HP1BP3: variants seen among roughly 807,000 people sequenced by gnomAD.
HP1BP3 encodes the protein heterochromatin protein 1-binding protein 3.
HP1BP3 carries 12 observed loss-of-function variants against 62.5 expected under a neutral mutation model. That is an observed-to-expected ratio of 0.19 (90% CI 0.12 to 0.31). The LOEUF (loss-of-function observed/expected upper bound fraction) is 0.31. Among genes scored for constraint, HP1BP3 ranks in the 10% least tolerant of loss-of-function variants. HP1BP3 has a pLI of 1.00. For synonymous variants in HP1BP3, 260 were observed against 237.8 expected (o/e 1.09, Z -0.86); for missense variants, 502 against 651.8 (o/e 0.77, Z 2.50).
In HP1BP3 at chr1:20,765,496, T is replaced by C. The variant is rs2056735322; in HGVS notation, c.771A>G (p.Val257=). The C allele has an allele frequency of 6.8e-6, 11 of 1,613,642 alleles. No individual in the cohort carries two copies. Among genetic ancestry groups the C allele is most frequent in the South Asian group, 1.1e-5 (1 of 91,040 alleles). The change falls in exon 8 of 13, where the codon GTA becomes GTG. Residue 257 remains valine (V), a synonymous_variant. Coordinates refer to ENST00000438032, the MANE Select transcript of HP1BP3 (RefSeq NM_001372052.1). ...CCAGTGGGAGGACATCCTCCAATTT[T>C]ACTTGTGGTTCTGGATCCACTGCAG... The part of the protein sequence containing the change: ...RSSAVDPEPQ[V]KLEDVLPLAF...
chr1:20,783,767 C>G (rs1326701702), intron 1 of HP1BP3, among the ~76,000 whole-genome samples: 1 of 47,260 alleles, frequency 2.1e-5, no homozygotes, highest in Non-Finnish European at 3.5e-5. Flanking sequence ...GAGACTCTGT[C>G]TCAAAAAAAA....
chr1:20,765,468 A>C lies in HP1BP3; in HGVS notation c.799T>G (p.Phe267Val). Residue 267 changes from phenylalanine (F) to valine (V), a missense_variant, in exon 8 of 13, where the codon TTT becomes GTT. By Grantham distance (50) the Phe-to-Val change is conservative (BLOSUM62 -1). Around this residue, in one of 5 missense-constraint regions of HP1BP3, gnomAD observed 111 missense variants for 242.0 expected, o/e 0.46. Transcript: ENST00000438032. ...VKLEDVLPLA[F>V]TRLCEPKEAS... The stretch of plus-strand genomic sequence containing the variant: ...TCTTTAGGTTCACAAAGGCGAGTAA[A>C]GGCCAGTGGGAGGACATCCTCCAAT... The C allele has an allele frequency of 3.7e-6, 6 of 1,613,616 alleles. No individual in the cohort carries two copies. Among genetic ancestry groups the C allele is most frequent in the Non-Finnish European group, 5.1e-6 (6 of 1,179,574 alleles).
intron 8 of HP1BP3, among the ~76,000 whole-genome samples, chr1:20,759,880 A>ATTTTTTTTTTTTTTTTT (rs71014104): frequency 1.8e-5 from 2 of 113,016 alleles, no homozygotes; most frequent in Non-Finnish European, 3.5e-5. Flanking sequence ...TTAAAGACCG[A>ATTTTTTTTTTTTTTTTT]TTTTTTTTTT....
At chr1:20,750,363 ACACACACACACACAC>A (rs1258516630) in intron 9 of HP1BP3, 2 of 64,410 alleles carry the variant, frequency 3.1e-5, no homozygotes, top group Middle Eastern at 6.9e-3. Flanking sequence ...ACACACACAC[ACACACACACACACAC>A]AAAATAGCCA....
chr1:20,784,904 T>C (rs538742909), intron 1 of HP1BP3, among the ~76,000 whole-genome samples: 1 of 152,356 alleles, frequency 6.6e-6, no homozygotes, highest in East Asian at 1.9e-4. Flanking sequence ...AACAAATATT[T>C]GCTTTTTGTC....
chr1:20,752,638 T>C (rs1288321127), intron 9 of HP1BP3, among the ~76,000 whole-genome samples: 1 of 152,120 alleles, frequency 6.6e-6, no homozygotes, highest in Non-Finnish European at 1.5e-5. Flanking sequence ...CAATGGTGGG[T>C]AAAACTGCTG....
At chr1:20,786,258 C>T (rs2057822697) in intron 1 of HP1BP3, 1 of 152,342 alleles carries the variant, frequency 6.6e-6, no homozygotes, top group African/African-American at 2.4e-5. Context: ...CCTACCGAGG[C>T]ACCGCTCTCA....
rs1234446014 is a variant in HP1BP3, at chr1:20,740,286, A to G, written c.*4511T>C. Among the ~76,000 whole-genome samples, 1 of 152,236 alleles carries G rather than the reference A, an allele frequency of 6.6e-6. No homozygotes were observed. The highest frequency in any genetic ancestry group is 1.5e-5 in the Non-Finnish European group (1 of 68,046). The stretch of plus-strand genomic sequence containing the variant: ...CAGAGTTCTCTTTTGCTAAGCAAAG[A>G]TTTAATAGTGAACAGTGTTAATTAT... On this transcript the variant is annotated 3_prime_UTR_variant, in exon 13 of 13. Coordinates refer to ENST00000438032, the MANE Select transcript of HP1BP3 (RefSeq NM_001372052.1).
In HP1BP3 at chr1:20,755,172, A is replaced by C. The variant is rs952269111; in HGVS notation, c.981+1994T>G. ...AGCACAAGAGATGCTCAACATCAGT[A>C]ATTATTAGGGAAATGCCAATCAAAA... is the stretch of plus-strand genomic sequence containing the variant. On this transcript the variant is annotated intron_variant, in intron 9 of 12. Coordinates refer to ENST00000438032, the MANE Select transcript of HP1BP3 (RefSeq NM_001372052.1). Among the ~76,000 whole-genome samples the C allele has an allele frequency of 2.0e-5, 3 of 152,194 alleles. No homozygotes were observed. The South Asian group carries it at 6.2e-4, about 31-fold the overall frequency.
intron 4 of HP1BP3, chr1:20,776,149 T>A: frequency 1.4e-6 from 1 of 705,738 alleles, no homozygotes; most frequent in Middle Eastern, 4.2e-4. Flanking sequence ...TATAGACTTT[T>A]AGGTCACACT....
chr1:20,770,691 G>A (rs532853760), intron 6 of HP1BP3, among the ~76,000 whole-genome samples: 4 of 152,050 alleles, frequency 2.6e-5, no homozygotes, highest in African/African-American at 9.7e-5. Flanking sequence ...AGCACAAGCA[G>A]CCCCCCAAAA....
chr1:20,778,393 C>T (rs1389231820), intron 3 of HP1BP3, among the ~76,000 whole-genome samples: 1 of 152,192 alleles, frequency 6.6e-6, no homozygotes, highest in African/African-American at 2.4e-5. Context: ...AACAAACATA[C>T]AACTTGTGAA....
chr1:20,760,363 TTCTGTC>T (rs1212379496), intron 8 of HP1BP3, among the ~76,000 whole-genome samples: 2 of 151,872 alleles, frequency 1.3e-5, no homozygotes, highest in Admixed American at 6.6e-5. Context: ...TGTAGGGAGA[TTCTGTC>T]TCTATTAACA....
In HP1BP3 at chr1:20,742,145, G is replaced by T. The variant is rs572267072; in HGVS notation, c.*2652C>A. Among the ~76,000 whole-genome samples the T allele has an allele frequency of 6.6e-6, 1 of 152,330 alleles. No individual in the cohort carries two copies. The highest frequency in any genetic ancestry group is 2.4e-5 in the African/African-American group (1 of 41,578). On this transcript the variant is annotated 3_prime_UTR_variant, in exon 13 of 13. Coordinates refer to ENST00000438032, the MANE Select transcript of HP1BP3 (RefSeq NM_001372052.1). ...AATACAGCCACCAGGTGATTATTCA[G>T]TAAGTCTCTTTAAAAGCAGTATCAT...
chr1:20,777,137 G>C (rs1206244574), intron 3 of HP1BP3, among the ~76,000 whole-genome samples: 2 of 152,086 alleles, frequency 1.3e-5, no homozygotes, highest in Admixed American at 6.6e-5. Context: ...CAAGAGGAAT[G>C]ACTGAAGCAA....
intron 4 of HP1BP3, 68 bp from the exon 5 acceptor site, chr1:20,773,678 G>C (rs1178521986): frequency 1.8e-6 from 2 of 1,104,160 alleles, no homozygotes; most frequent in Non-Finnish European, 2.4e-6. Flanking sequence ...TCAGAAGGAG[G>C]AAAAGACCAG....
intron 9 of HP1BP3, among the ~76,000 whole-genome samples, chr1:20,753,791 GA>G (rs1415874236): frequency 6.6e-6 from 1 of 152,102 alleles, no homozygotes; most frequent in Non-Finnish European, 1.5e-5. Context: ...AACAGACACT[GA>G]AAAACCACTT....
At position 20,776,418 on chromosome 1, in the gene HP1BP3, C is replaced by T. The variant is rs147345351; in HGVS notation, c.350+179G>A. On this transcript the variant is annotated intron_variant, in intron 4 of 12. Coordinates refer to ENST00000438032, the MANE Select transcript of HP1BP3 (RefSeq NM_001372052.1). Reference sequence around the variant, plus strand: ...AACCATTGTGTTCTGCTAACTACAGCATATTCTAACAGGTCAAACAACTAT... The same window carrying T: ...AACCATTGTGTTCTGCTAACTACAGTATATTCTAACAGGTCAAACAACTAT... 8.8e-4 allele frequency: 493 copies of T among 558,196 alleles called. 2 individuals carry two copies. Among genetic ancestry groups the T allele is most frequent in the African/African-American group, 8.6e-3 (444 of 51,898 alleles). 34.6% of individuals were successfully genotyped at this position (558,196 alleles called of 1,614,324 possible). A position where few individuals can be genotyped will look rare whatever the true frequency, so the allele number is the denominator to read the frequency against.
chr1:20,751,535 G>A lies in HP1BP3; in HGVS notation c.982-1653C>T, dbSNP rs532221093. ...AGGCCAAGAGTTCAAGACCAACCTC[G>A]GCAACATAGTGAGACTCTCTCTCTA... On this transcript the variant is annotated intron_variant, in intron 9 of 12. Transcript: ENST00000438032. Among the ~76,000 whole-genome samples, 8 of 151,894 alleles carry A rather than the reference G, an allele frequency of 5.3e-5. No individual in the cohort carries two copies. In the South Asian group the frequency reaches 1.7e-3, roughly 32 times the overall value.
Sources: allele counts gnomAD v4.1 joint callset (sites outside exome capture counted in the v4.1 genomes callset), GRCh38; gene constraint gnomAD v4.1.1; regional missense constraint gnomAD v4.1.1; transcripts MANE v1.5; gene names NCBI Gene and HGNC (gene_info 2026-07-23, HGNC 2026-07-21).